ATXN10: variants seen among roughly 807,000 people sequenced by gnomAD.
ATXN10 encodes the protein ataxin-10.
Under a neutral mutation model 52.9 loss-of-function variants are expected in ATXN10, and 28 were observed. The observed-to-expected ratio is 0.53, with a 90% CI of 0.39 to 0.73. ATXN10 has a LOEUF of 0.73. Among genes scored for constraint, ATXN10 ranks in the 30% least tolerant of loss-of-function variants. The probability of loss-of-function intolerance (pLI) is 0.00; values close to 1 mark genes in which losing one functional copy is unlikely to be tolerated. For missense variants in ATXN10, 565 were observed against 577.0 expected (o/e 0.98, Z 0.21); for synonymous variants, 226 against 221.5 (o/e 1.02, Z -0.18).
At chr22:45,725,114 C>T (rs1338500202) in intron 6 of ATXN10, among the ~76,000 whole-genome samples, 1 of 151,940 alleles carries the variant, frequency 6.6e-6, no homozygotes, top group African/African-American at 2.4e-5. Flanking sequence ...GTTCTTTTTG[C>T]TTAAGATTGC....
intron 1 of ATXN10, chr22:45,679,837 G>T (rs1189709608): frequency 6.6e-6 from 1 of 152,222 alleles, no homozygotes; most frequent in Non-Finnish European, 1.5e-5. Context: ...TCAAAATACA[G>T]AAGTGGTCAG....
Position 45,762,525 on chromosome 22 carries a change from G to T in ATXN10, c.1173+21987G>T, listed in dbSNP as rs1405894049. On this transcript the variant is annotated intron_variant, in intron 9 of 11. Coordinates refer to ENST00000252934, the MANE Select transcript of ATXN10 (RefSeq NM_013236.4). The surrounding 1 kb of genome is among the most constrained non-coding windows in gnomAD (Gnocchi z 4.3). ...CACACCTGTTGTGTCTTCCTGGGAGGCTCCCAGGCATGCTCCTGTCTGGCC... is the reference window on the plus strand; with the variant it reads ...CACACCTGTTGTGTCTTCCTGGGAGTCTCCCAGGCATGCTCCTGTCTGGCC... Among the ~76,000 whole-genome samples, 1 of 152,144 alleles carries T rather than the reference G, an allele frequency of 6.6e-6. No individual in the cohort carries two copies. Among genetic ancestry groups the T allele is most frequent in the Non-Finnish European group, 1.5e-5 (1 of 68,028 alleles).
In ATXN10 at chr22:45,826,197, C is replaced by T. The variant is rs1023686683; in HGVS notation, c.1238-16794C>T. Reference sequence around the variant, plus strand: ...CTGAAATAAATTTACTAGAAGGATTCGAAGACAGATTTGAGCAGGGAGAAG... The same window carrying T: ...CTGAAATAAATTTACTAGAAGGATTTGAAGACAGATTTGAGCAGGGAGAAG... On this transcript the variant is annotated intron_variant, in intron 10 of 11. Coordinates refer to ENST00000252934, the MANE Select transcript of ATXN10 (RefSeq NM_013236.4). This position sits in a 1 kb window ranked among gnomAD's most constrained non-coding sequence, Gnocchi z 5.0. Among the ~76,000 whole-genome samples, 3 of 151,922 alleles carry T rather than the reference C, an allele frequency of 2.0e-5. No individual in the cohort carries two copies. The highest frequency in any genetic ancestry group is 4.8e-5 in the African/African-American group (2 of 41,316).
intron 9 of ATXN10, among the ~76,000 whole-genome samples, chr22:45,779,913 A>G (rs1239946585): frequency 2.0e-5 from 3 of 151,690 alleles, no homozygotes; most frequent in Non-Finnish European, 4.4e-5. Flanking sequence ...TGTGTTTCTG[A>G]AAAAAAAATC....
At chr22:45,809,533 T>C (rs1721973882) in intron 10 of ATXN10, among the ~76,000 whole-genome samples, 1 of 152,156 alleles carries the variant, frequency 6.6e-6, no homozygotes, top group African/African-American at 2.4e-5. Flanking sequence ...CAAGTTTTGG[T>C]GTGACCTGTT....
In ATXN10 at chr22:45,823,472, C is replaced by G. The variant is rs1337902744; in HGVS notation, c.1237+16450C>G. 4.6e-5 allele frequency among the ~76,000 whole-genome samples: 7 copies of G among 152,058 alleles called. No individual in the cohort carries two copies. The highest frequency in any genetic ancestry group is 3.9e-4 in the Admixed American group (6 of 15,272). ...TGCGATTATGCAGTTGTTTCCGTTTCAGTATTTAAAAACCTTCATTTCACC... is the reference window on the plus strand; with the variant it reads ...TGCGATTATGCAGTTGTTTCCGTTTGAGTATTTAAAAACCTTCATTTCACC... On this transcript the variant is annotated intron_variant, in intron 10 of 11. Coordinates refer to ENST00000252934, the MANE Select transcript of ATXN10 (RefSeq NM_013236.4). The surrounding 1 kb of genome is among the most constrained non-coding windows in gnomAD (Gnocchi z 4.9).
At chr22:45,832,654 A>G (rs1348072400) in intron 10 of ATXN10, among the ~76,000 whole-genome samples, 1 of 152,264 alleles carries the variant, frequency 6.6e-6, no homozygotes, top group Non-Finnish European at 1.5e-5. Context: ...ATGAATGAAT[A>G]GATCATGATT....
At position 45,819,222 on chromosome 22, in the gene ATXN10, GAA is replaced by G. The variant is rs2146898268; in HGVS notation, c.1237+12201_1237+12202del. ...GAATAGAATAGAATAGAATAGAATA[GAA>G]TAGAATAGAATAGAATAGAATAGAA... is the stretch of plus-strand genomic sequence containing the variant. On this transcript the variant is annotated intron_variant, in intron 10 of 11. Transcript: ENST00000252934. This position sits in a 1 kb window ranked among gnomAD's most constrained non-coding sequence, Gnocchi z 4.5. Among the ~76,000 whole-genome samples, 1 of 145,136 alleles carries G rather than the reference GAA, an allele frequency of 6.9e-6. No individual in the cohort carries two copies. Among genetic ancestry groups the G allele is most frequent in the South Asian group, 2.1e-4 (1 of 4,746 alleles).
chr22:45,704,261 G>A (rs1923952020), intron 5 of ATXN10, among the ~76,000 whole-genome samples: 2 of 150,528 alleles, frequency 1.3e-5, no homozygotes, highest in Admixed American at 1.3e-4. Flanking sequence ...TTGTTGTCCT[G>A]GGTCCCTTCT....
intron 9 of ATXN10, among the ~76,000 whole-genome samples, chr22:45,803,055 A>T (rs1313575664): frequency 6.6e-6 from 1 of 152,228 alleles, no homozygotes; most frequent in Admixed American, 6.5e-5. Flanking sequence ...AACAGTGTGA[A>T]TGTCACCAAC....
chr22:45,758,824 C>T (rs903951399), intron 9 of ATXN10, among the ~76,000 whole-genome samples: 3 of 152,188 alleles, frequency 2.0e-5, no homozygotes, highest in African/African-American at 7.2e-5. Context: ...CAGCCTGAGG[C>T]ATCAGTAATC....
chr22:45,719,310 T>C (rs1316990993), intron 6 of ATXN10, among the ~76,000 whole-genome samples: 1 of 152,158 alleles, frequency 6.6e-6, no homozygotes, highest in African/African-American at 2.4e-5. Flanking sequence ...ACTTTTTACT[T>C]TGTATTTAGG....
intron 9 of ATXN10, among the ~76,000 whole-genome samples, chr22:45,749,768 G>T (rs1925877341): frequency 6.6e-6 from 1 of 152,146 alleles, no homozygotes. Flanking sequence ...GTCTTACTGT[G>T]TTGCCCAGGC....
At chr22:45,808,183 A>G (rs1928164423) in intron 10 of ATXN10, among the ~76,000 whole-genome samples, 1 of 152,198 alleles carries the variant, frequency 6.6e-6, no homozygotes, top group African/African-American at 2.4e-5. Context: ...GGCTGTGCTC[A>G]TTAAAGAGTG....
intron 9 of ATXN10, among the ~76,000 whole-genome samples, chr22:45,804,347 G>A (rs1035997546): frequency 6.6e-6 from 1 of 152,202 alleles, no homozygotes; most frequent in African/African-American, 2.4e-5. Context: ...TATATGCCAG[G>A]TGTCTACTAA....
At chr22:45,832,154 T>TA (rs1386863005) in intron 10 of ATXN10, among the ~76,000 whole-genome samples, 2 of 152,262 alleles carry the variant, frequency 1.3e-5, no homozygotes, top group East Asian at 3.8e-4. Context: ...AAGAGCTTCT[T>TA]AATTTTTCTA....
chr22:45,707,483 TAG>T (rs1055428196), intron 5 of ATXN10, among the ~76,000 whole-genome samples: 4 of 152,018 alleles, frequency 2.6e-5, no homozygotes, highest in African/African-American at 9.7e-5. Flanking sequence ...GATCAATCAT[TAG>T]AGTCAACTTA....
chr22:45,764,406 C>T (rs1926511160), intron 9 of ATXN10, among the ~76,000 whole-genome samples: 1 of 152,104 alleles, frequency 6.6e-6, no homozygotes, highest in Non-Finnish European at 1.5e-5. Context: ...TTACAACTCC[C>T]CTCCCTTCCC....
chr22:45,773,192 C>T lies in ATXN10; in HGVS notation c.1173+32654C>T, dbSNP rs1008706708. On this transcript the variant is annotated intron_variant, in intron 9 of 11. Transcript: ENST00000252934. ...GTTAACTTTTGCATTGACCTTGTGT[C>T]GTATGGGCTTGCTCAACTCATTCAT... 3.3e-5 allele frequency among the ~76,000 whole-genome samples: 5 copies of T among 152,114 alleles called. No individual in the cohort carries two copies. The East Asian group carries it at 5.8e-4, about 18-fold the overall frequency.
Sources: gnomAD v4.1 joint callset for allele counts (sites outside exome capture counted in the v4.1 genomes callset) on GRCh38, gnomAD v4.1.1 for gene constraint, Gnocchi (gnomAD v3.1) non-coding constraint, MANE v1.5 for transcripts, NCBI Gene and HGNC (gene_info 2026-07-23, HGNC 2026-07-21) for gene names.